Variants in FRAS1 observed in about 807,000 individuals in gnomAD.
FRAS1 encodes Fraser extracellular matrix complex subunit 1.
Under a neutral mutation model 435.2 loss-of-function variants are expected in FRAS1, and 290 were observed. The observed-to-expected ratio is 0.67, with a 90% confidence interval of 0.61 to 0.73. FRAS1 has a LOEUF of 0.73. FRAS1 is among the 30% of genes least tolerant of loss of function. The probability of loss-of-function intolerance (pLI) is 0.00; values close to 1 mark genes in which losing one functional copy is unlikely to be tolerated. For missense variants in FRAS1, 4,860 were observed against 5,001.5 expected (o/e 0.97, Z 0.85); for synonymous variants, 1,800 against 1,851.0 (o/e 0.97, Z 0.71).
chr4:78,470,004 C>A lies in FRAS1; in HGVS notation c.7284C>A (p.Phe2428Leu), dbSNP rs773487321. Reference protein sequence around the residue: ...KEIMTAAPQPFRVDILPVDDG... With the variant: ...KEIMTAAPQPLRVDILPVDDG... ...TTATGACAGCAGCACCTCAGCCGTTCCGAGTAGACATCCTCCCGGTAGATG... is the reference window on the plus strand; with the variant it reads ...TTATGACAGCAGCACCTCAGCCGTTACGAGTAGACATCCTCCCGGTAGATG... Residue 2428 changes from phenylalanine (F) to leucine (L), a missense_variant, in exon 51 of 74, where the codon TTC becomes TTA. By Grantham distance (22) the Phe-to-Leu change is conservative. Transcript: ENST00000512123. 2.5e-6 allele frequency: 4 copies of A among 1,613,522 alleles called. No individual in the cohort carries two copies. Among genetic ancestry groups the A allele is most frequent in the South Asian group, 2.2e-5 (2 of 91,022 alleles).
chr4:78,262,821 G>A (rs1024664191), intron 6 of FRAS1, among the ~76,000 whole-genome samples: 1 of 152,096 alleles, frequency 6.6e-6, no homozygotes. Flanking sequence ...TTTACTGAGG[G>A]CACCATATTA....
chr4:78,129,961 C>T (rs1463499005), intron 2 of FRAS1, among the ~76,000 whole-genome samples: 1 of 152,190 alleles, frequency 6.6e-6, no homozygotes, highest in Non-Finnish European at 1.5e-5. Context: ...CTGCTTCTTC[C>T]TCAGTGTCTG....
At chr4:78,212,512 G>A (rs1240853322) in intron 2 of FRAS1, among the ~76,000 whole-genome samples, 1 of 152,166 alleles carries the variant, frequency 6.6e-6, no homozygotes, top group Non-Finnish European at 1.5e-5. Context: ...GGAATTCAAG[G>A]ATATTAGGAT....
At chr4:78,447,017 C>T in intron 43 of FRAS1, 137 bp downstream of exon 43, 1 of 861,418 alleles carries the variant, frequency 1.2e-6, no homozygotes, top group African/African-American at 1.8e-5. Context: ...ATCAAATTCA[C>T]AGCTGGCTAA....
At chr4:78,338,924 A>G (rs1019095701) in intron 20 of FRAS1, among the ~76,000 whole-genome samples, 4 of 152,224 alleles carry the variant, frequency 2.6e-5, no homozygotes, top group Non-Finnish European at 5.9e-5. Context: ...TAAGGTCTAT[A>G]TCCTAAGAAA....
chr4:78,128,674 A>G (rs1026094625), intron 2 of FRAS1, among the ~76,000 whole-genome samples: 5 of 152,194 alleles, frequency 3.3e-5, no homozygotes, highest in African/African-American at 7.2e-5. Flanking sequence ...AGATGAGTAG[A>G]TTGCAAAAAT....
intron 18 of FRAS1, among the ~76,000 whole-genome samples, chr4:78,329,800 C>G (rs1274637905): frequency 2.6e-5 from 4 of 152,186 alleles, no homozygotes; most frequent in Admixed American, 1.3e-4. Context: ...ATTTTTGAAG[C>G]CTCTCAAGCT....
At position 78,477,887 on chromosome 4, in the gene FRAS1, G is replaced by T. The variant is rs993641962; in HGVS notation, c.7924G>T (p.Val2642Phe). 1 of 1,613,592 alleles carries T rather than the reference G, an allele frequency of 6.2e-7. No individual in the cohort carries two copies. Among genetic ancestry groups the T allele is most frequent in the African/African-American group, 1.3e-5 (1 of 75,044 alleles). Residue 2642 changes from valine to phenylalanine, a missense_variant, in exon 55 of 74, where the codon GTT (valine) becomes TTT (phenylalanine). Transcript: ENST00000512123. ...VINDDDVFEN[V>F]ESFTVELSMP... ...CAACGATGATGACGTGTTTGAAAAT[G>T]TTGAGAGTTTCACTGTGGAGCTCAG...
rs191093913 is a variant in FRAS1, at chr4:78,501,089, T to C, written c.9316+1168T>C. On this transcript the variant is annotated intron_variant, in intron 61 of 73. Coordinates refer to ENST00000512123, the MANE Select transcript of FRAS1 (RefSeq NM_025074.7). The stretch of plus-strand genomic sequence containing the variant: ...CCATTAACTCGTCATTTACATTAGG[T>C]ATTCCTCCCAGTGCTATCCCTCCCC... Among the ~76,000 whole-genome samples the C allele has an allele frequency of 1.1e-3, 170 of 152,280 alleles. 1 individual carries two copies. Among genetic ancestry groups the C allele is most frequent in the African/African-American group, 3.9e-3 (160 of 41,552 alleles).
intron 27 of FRAS1, among the ~76,000 whole-genome samples, chr4:78,383,793 A>C (rs1390471654): frequency 6.6e-6 from 1 of 152,158 alleles, no homozygotes; most frequent in Non-Finnish European, 1.5e-5. Flanking sequence ...CCCTTTATTC[A>C]GTTTAGAAAG....
intron 2 of FRAS1, among the ~76,000 whole-genome samples, chr4:78,177,986 A>G (rs1484754261): frequency 6.6e-6 from 1 of 151,984 alleles, no homozygotes; most frequent in Non-Finnish European, 1.5e-5. Flanking sequence ...TCTCAAAGAA[A>G]TTTTTTCTGT....
chr4:78,339,867 C>G (rs1230556466), intron 20 of FRAS1, among the ~76,000 whole-genome samples: 1 of 152,090 alleles, frequency 6.6e-6, no homozygotes, highest in Admixed American at 6.6e-5. Context: ...AAATCTGCAA[C>G]TTGTATGGAA....
Position 78,065,060 on chromosome 4 carries a change from A to G in FRAS1, c.77-925A>G, listed in dbSNP as rs559536824. On this transcript the variant is annotated intron_variant, in intron 1 of 73. Transcript: ENST00000512123. The stretch of plus-strand genomic sequence containing the variant: ...AGTTAAGATTTCAGTTTTATAGTGT[A>G]TATATATATATATATATATATATAC... Among the ~76,000 whole-genome samples, 222 of 77,168 alleles carry G rather than the reference A, an allele frequency of 2.9e-3. 2 individuals carry two copies. Among genetic ancestry groups the G allele is most frequent in the Middle Eastern group, 6.0e-3 (1 of 168 alleles). 50.6% of individuals were successfully genotyped at this position (77,168 alleles called of 152,430 possible).
chr4:78,285,837 G>A (rs1159294561), intron 13 of FRAS1, among the ~76,000 whole-genome samples: 1 of 152,196 alleles, frequency 6.6e-6, no homozygotes, highest in Non-Finnish European at 1.5e-5. Flanking sequence ...CTAGCCTGAT[G>A]TCTAGGATAC....
chr4:78,369,800 T>A (rs775606553), intron 22 of FRAS1, 38 bp from the exon 23 acceptor site: 10 of 1,582,618 alleles, frequency 6.3e-6, no homozygotes, highest in Non-Finnish European at 8.6e-7. Flanking sequence ...TATTTGCAAT[T>A]GTAATCATCT....
At chr4:78,507,308 C>G (rs1263266481) in intron 61 of FRAS1, 113 bp from the exon 62 acceptor site, 1 of 968,184 alleles carries the variant, frequency 1.0e-6, no homozygotes, top group Non-Finnish European at 1.5e-6. Flanking sequence ...TAGAACACCA[C>G]TAAAAAGAAA....
At chr4:78,062,943 G>A (rs1028526259) in intron 1 of FRAS1, among the ~76,000 whole-genome samples, 8 of 152,132 alleles carry the variant, frequency 5.3e-5, no homozygotes, top group Non-Finnish European at 4.4e-5. Context: ...ATTGTTCATA[G>A]TTAGAGAACT....
intron 29 of FRAS1, among the ~76,000 whole-genome samples, chr4:78,393,710 C>G (rs2110338120): frequency 6.6e-6 from 1 of 152,182 alleles, no homozygotes; most frequent in African/African-American, 2.4e-5. Flanking sequence ...GTGAATAATA[C>G]TACAATGAAC....
In FRAS1 at chr4:78,513,489, A is replaced by T. The variant is rs376048305; in HGVS notation, c.10111A>T (p.Ile3371Phe). The T allele has an allele frequency of 1.2e-6, 2 of 1,613,464 alleles. No individual in the cohort carries two copies. Among genetic ancestry groups the T allele is most frequent in the Non-Finnish European group, 1.7e-6 (2 of 1,179,528 alleles). Residue 3371 changes from isoleucine to phenylalanine, a missense_variant, in exon 65 of 74, where the codon ATC (isoleucine) becomes TTC (phenylalanine). By Grantham distance (21) the Ile-to-Phe change is conservative. Transcript: ENST00000512123. ...CTTACATTTTCTACTGTCTGAGTCC[A>T]TCTACAGACACCAGCACGTCTGCTC... is the stretch of plus-strand genomic sequence containing the variant. ...HNLHFLLSESIYRHQHVCSNL... is the reference protein window; with the variant it reads ...HNLHFLLSESFYRHQHVCSNL...
Sources: gnomAD v4.1 joint callset for allele counts (sites outside exome capture counted in the v4.1 genomes callset) on GRCh38, gnomAD v4.1.1 for gene constraint, MANE v1.5 for transcripts, NCBI Gene and HGNC (gene_info 2026-07-23, HGNC 2026-07-21) for gene names.